The following WDR59 variants were observed in gnomAD, a reference collection of about 807,000 sequenced individuals.
The protein encoded by WDR59 is GATOR2 complex protein WDR59.
WDR59 carries 100 observed loss-of-function variants against 131.2 expected under a neutral mutation model. The ratio of observed to expected loss-of-function variants is 0.76; its 90% confidence interval spans 0.65 to 0.90. The LOEUF (loss-of-function observed/expected upper bound fraction) is 0.90, where lower values mean the gene tolerates loss of function less well. Ranked by LOEUF, WDR59 falls within the 40% of genes least tolerant of loss-of-function variation. WDR59 has a pLI of 0.00. For synonymous variants in WDR59, 601 were observed against 466.2 expected (o/e 1.29, Z -3.72); for missense variants, 1,203 against 1,262.2 (o/e 0.95, Z 0.71).
chr16:74,874,492 T>C (rs759899163), intron 25 of WDR59, 48 bp from the exon 26 acceptor site: 2 of 1,573,182 alleles, frequency 1.3e-6, no homozygotes, highest in South Asian at 2.3e-5. Context: ...ATGAGTTTAG[T>C]TCTGAAAAAG....
chr16:74,956,861 T>C (rs1314693537), intron 2 of WDR59, among the ~76,000 whole-genome samples: 1 of 152,142 alleles, frequency 6.6e-6, no homozygotes, highest in Non-Finnish European at 1.5e-5. Flanking sequence ...CATCCATCCA[T>C]GAGAGTCTGG....
chr16:74,915,799 T>G (rs577818892), intron 13 of WDR59, 71 bp downstream of exon 13: 1 of 1,598,826 alleles, frequency 6.3e-7, no homozygotes, highest in Non-Finnish European at 8.6e-7. Context: ...ACTGAAATCA[T>G]TGCTGAAATG....
At chr16:74,900,203 T>C (rs1437186773) in intron 18 of WDR59, among the ~76,000 whole-genome samples, 1 of 152,184 alleles carries the variant, frequency 6.6e-6, no homozygotes, top group Non-Finnish European at 1.5e-5. Flanking sequence ...CATTCTTGAA[T>C]AGGCTCAATA....
chr16:74,898,723 G>A (rs1441993663), intron 18 of WDR59, among the ~76,000 whole-genome samples: 2 of 152,222 alleles, frequency 1.3e-5, no homozygotes, highest in East Asian at 1.9e-4. Context: ...CAACTGCTTC[G>A]CAGAAACCCC....
chr16:74,981,610 TTACATATATATATATATATATA>T (rs2034406588), intron 1 of WDR59, among the ~76,000 whole-genome samples: 4 of 76,706 alleles, frequency 5.2e-5, no homozygotes, highest in African/African-American at 2.3e-4. Flanking sequence ...ACATATACAT[TTACATATATATATATATATATA>T]TATATATATA....
At chr16:74,921,548 G>A (rs967680915) in intron 10 of WDR59, among the ~76,000 whole-genome samples, 4 of 151,810 alleles carry the variant, frequency 2.6e-5, no homozygotes, top group Non-Finnish European at 5.9e-5. Flanking sequence ...GAAGACAACT[G>A]AGGGTATGTA....
At chr16:74,912,965 G>A (rs532027733) in intron 13 of WDR59, among the ~76,000 whole-genome samples, 9 of 152,016 alleles carry the variant, frequency 5.9e-5, no homozygotes, top group South Asian at 2.1e-4. Flanking sequence ...CCCTCATTCC[G>A]GTAAACCCAC....
intron 13 of WDR59, among the ~76,000 whole-genome samples, chr16:74,913,981 C>G (rs1302023827): frequency 6.6e-6 from 1 of 152,116 alleles, no homozygotes; most frequent in Non-Finnish European, 1.5e-5. Context: ...CCAAGGTGGG[C>G]AGATCAACTG....
At chr16:74,893,639 C>T in intron 19 of WDR59, 40 bp downstream of exon 19, 1 of 1,555,036 alleles carries the variant, frequency 6.4e-7, no homozygotes, top group African/African-American at 1.4e-5. Flanking sequence ...CTAATCCTGG[C>T]TAAATGATGA....
chr16:74,935,996 C>CAAAAA (rs879688847), intron 8 of WDR59, among the ~76,000 whole-genome samples: 2 of 106,070 alleles, frequency 1.9e-5, no homozygotes, highest in East Asian at 5.5e-4. Context: ...GACTCCACCT[C>CAAAAA]AAAAAAAAAA....
chr16:74,929,150 C>A (rs192590639), intron 8 of WDR59, among the ~76,000 whole-genome samples: 1 of 152,182 alleles, frequency 6.6e-6, no homozygotes, highest in African/African-American at 2.4e-5. Context: ...TCTCCGCTCA[C>A]GGCAAGCTCG....
chr16:74,874,591 T>C (rs1263694944), intron 25 of WDR59, 147 bp from the exon 26 acceptor site: 3 of 689,060 alleles, frequency 4.4e-6, no homozygotes, highest in African/African-American at 3.6e-5. Context: ...TTCTGTTTTT[T>C]TTATTTTTAT....
chr16:74,905,146 C>G (rs977162019), intron 17 of WDR59, among the ~76,000 whole-genome samples: 1 of 152,092 alleles, frequency 6.6e-6, no homozygotes, highest in Non-Finnish European at 1.5e-5. Flanking sequence ...GAGGCCAAGG[C>G]GGGCAGATTA....
rs569959792 is a variant in WDR59, at chr16:74,965,361, C to T, written c.104+412G>A. On this transcript the variant is annotated intron_variant, in intron 2 of 25. Transcript: ENST00000262144. ...ATTCCTTCATGAGAAAACCAAAGTC[C>T]AGTTAAGCCAAACTGAATAAATGTC... Among the ~76,000 whole-genome samples, 30 of 152,266 alleles carry T rather than the reference C, an allele frequency of 2.0e-4. 1 individual carries two copies. In the East Asian group the frequency reaches 5.4e-3, roughly 28 times the overall value.
chr16:74,982,353 T>A (rs925079240), intron 1 of WDR59, among the ~76,000 whole-genome samples: 1 of 151,862 alleles, frequency 6.6e-6, no homozygotes, highest in Non-Finnish European at 1.5e-5. Flanking sequence ...AATAGGAAAA[T>A]CAGAACAAAA....
intron 25 of WDR59, among the ~76,000 whole-genome samples, chr16:74,878,703 G>A (rs563091155): frequency 2.0e-5 from 3 of 152,242 alleles, no homozygotes; most frequent in Admixed American, 6.5e-5. Flanking sequence ...TACTCCTTTC[G>A]TTTGGCAATA....
chr16:74,916,182 G>A lies in WDR59; in HGVS notation c.1044C>T (p.Thr348=). Residue 348 remains threonine, a synonymous_variant, in exon 12 of 26, where the codon ACC becomes ACT. Transcript: ENST00000262144. ...GGTGATCTGTATCTTCAGTGTGCAG[G>A]GTCTTCTCAGGTTCCGGCAGAAGGG... ...SISLLPEPEK[T]LHTEDTDHQH... The A allele has an allele frequency of 6.2e-7, 1 of 1,614,010 alleles. No individual in the cohort carries two copies. The highest frequency in any genetic ancestry group is 1.1e-5 in the South Asian group (1 of 91,076).
rs752100540 is a variant in WDR59 at position 74,923,907 on chromosome 16, G to C, written c.729+19C>G. 9.3e-6 allele frequency: 15 copies of C among 1,610,434 alleles called. No individual in the cohort carries two copies. In the South Asian group the frequency reaches 1.6e-4, roughly 17 times the overall value. On this transcript the variant is annotated intron_variant, in intron 9 of 25. Transcript: ENST00000262144. ...CCCAAAAAGAAGTTTCTTATCAAGA[G>C]GCAGGGTGGCTCACTCACTGTGTAT...
At chr16:74,935,123 G>C (rs992266380) in intron 8 of WDR59, among the ~76,000 whole-genome samples, 2 of 152,084 alleles carry the variant, frequency 1.3e-5, no homozygotes, top group African/African-American at 2.4e-5. Context: ...CAGCTACTGA[G>C]GGAGGCTGAG....
Sources: gnomAD v4.1 joint callset for allele counts (sites outside exome capture counted in the v4.1 genomes callset) on GRCh38, gnomAD v4.1.1 for gene constraint, MANE v1.5 for transcripts, NCBI Gene and HGNC (gene_info 2026-07-23, HGNC 2026-07-21) for gene names.